The following DMD variants were observed in gnomAD, a reference collection of about 807,000 sequenced individuals.
DMD encodes dystrophin, also known as mutant dystrophin.
In DMD, 63 loss-of-function variants were observed where a neutral mutation model predicts 330.1. The observed-to-expected ratio is 0.19, with a 90% CI of 0.16 to 0.24. The LOEUF (loss-of-function observed/expected upper bound fraction) is 0.24. DMD is among the 10% of genes least tolerant of loss of function. DMD has a pLI of 1.00. For synonymous variants in DMD, 1,223 were observed against 959.8 expected (o/e 1.27, Z -5.07); for missense variants, 3,344 against 2,684.1 (o/e 1.25, Z -5.43).
intron 60 of DMD, among the ~76,000 whole-genome samples, chrX:31,382,360 C>T (rs1181313023): frequency 9.0e-6 from 1 of 111,126 alleles, no homozygotes; most frequent in East Asian, 2.8e-4. Context: ...AACTTGTCAT[C>T]CCTCCTATCT....
chrX:32,654,019 G>A (rs2060370241), intron 9 of DMD, among the ~76,000 whole-genome samples: 1 of 112,280 alleles, frequency 8.9e-6, no homozygotes, highest in Admixed American at 9.4e-5. Flanking sequence ...AGACTTTGCT[G>A]AAGTTGCTTA....
intron 17 of DMD, among the ~76,000 whole-genome samples, chrX:32,522,518 T>G (rs935852443): frequency 8.9e-6 from 1 of 112,192 alleles, no homozygotes; most frequent in African/African-American, 3.2e-5. Flanking sequence ...CTCTTCTAGC[T>G]ACTTTGAAAT....
At chrX:32,437,326 T>C (rs748028691) in intron 29 of DMD, among the ~76,000 whole-genome samples, 1 of 112,020 alleles carries the variant, frequency 8.9e-6, no homozygotes, top group East Asian at 2.8e-4. Context: ...CACATACTTC[T>C]CTTCAGAATT....
chrX:32,387,198 A>C (rs2097964542), intron 32 of DMD, among the ~76,000 whole-genome samples: 1 of 111,073 alleles, frequency 9.0e-6, no homozygotes, highest in Non-Finnish European at 1.9e-5. Context: ...AAAAAGCATC[A>C]TAAGACAAGT....
At position 31,451,099 on chromosome X, in the gene DMD, T is replaced by A. The variant is rs67020238; in HGVS notation, c.8938-6472A>T. On this transcript the variant is annotated intron_variant, in intron 59 of 78. Transcript: ENST00000357033. ...TCAGTTGTCAAGCACTTATATTTTG[T>A]TTTTTTTTTTTTTTCAGGAGACTTT... is the stretch of plus-strand genomic sequence containing the variant. Among the ~76,000 whole-genome samples the A allele has an allele frequency of 2.1e-3, 204 of 97,781 alleles. 1 individual carries two copies. Among genetic ancestry groups the A allele is most frequent in the Non-Finnish European group, 2.9e-3 (138 of 48,186 alleles). The allele number at this position is 97,781 out of a possible 115,157, so 84.9% of individuals were successfully genotyped here.
chrX:33,271,196 T>C (rs1421767078), intron 1 of DMD, among the ~76,000 whole-genome samples: 3 of 111,541 alleles, frequency 2.7e-5, no homozygotes. Context: ...GATTATTTTA[T>C]ATATTTCTTT....
chrX:32,393,142 A>G (rs1357708376), intron 30 of DMD, among the ~76,000 whole-genome samples: 3 of 112,113 alleles, frequency 2.7e-5, no homozygotes, highest in African/African-American at 9.7e-5. Context: ...GGATTCTATG[A>G]CACATTCCTG....
chrX:31,593,378 G>C lies in DMD; in HGVS notation c.8217+34295C>G, dbSNP rs753736914. On this transcript the variant is annotated intron_variant, in intron 55 of 78. Transcript: ENST00000357033. The stretch of plus-strand genomic sequence containing the variant: ...GCTGCACATTAGATTGAGCTGAGTA[G>C]TTTGTAAGAATTATGATGCCCAAGT... Among the ~76,000 whole-genome samples, 3 of 111,391 alleles carry C rather than the reference G, an allele frequency of 2.7e-5. No individual in the cohort carries two copies. The East Asian group carries it at 8.5e-4, about 32-fold the overall frequency.
chrX:31,519,096 AATATC>A (rs1322944501), intron 55 of DMD, among the ~76,000 whole-genome samples: 1 of 112,262 alleles, frequency 8.9e-6, no homozygotes, highest in Non-Finnish European at 1.9e-5. Context: ...ACTCAGAACT[AATATC>A]ATTGATGTTT....
At chrX:32,548,088 A>G (rs1478446069) in intron 16 of DMD, among the ~76,000 whole-genome samples, 1 of 111,677 alleles carries the variant, frequency 9.0e-6, no homozygotes, top group Non-Finnish European at 1.9e-5. Context: ...ACCATAGTCA[A>G]TCAAAGAATT....
chrX:31,503,241 C>T (rs747159407), intron 56 of DMD, among the ~76,000 whole-genome samples: 1 of 112,011 alleles, frequency 8.9e-6, no homozygotes, highest in Non-Finnish European at 1.9e-5. Context: ...AAAAATTAAA[C>T]AATTTTCCAG....
Position 32,068,495 on chromosome X carries a change from C to T in DMD, c.6439-99981G>A, listed in dbSNP as rs747761925. On this transcript the variant is annotated intron_variant, in intron 44 of 78. Transcript: ENST00000357033. ...TTCTAGGATTCTTATAGCTTGAAGTCTTACATTTAAATCTTTAATCCATTT... is the reference window on the plus strand; with the variant it reads ...TTCTAGGATTCTTATAGCTTGAAGTTTTACATTTAAATCTTTAATCCATTT... Among the ~76,000 whole-genome samples, 7 of 105,251 alleles carry T rather than the reference C, an allele frequency of 6.7e-5. No homozygotes were observed. In the East Asian group the frequency reaches 2.2e-3, roughly 33 times the overall value. 91.4% of individuals were successfully genotyped at this position (105,251 alleles called of 115,157 possible). A position where few individuals can be genotyped will look rare whatever the true frequency, so the allele number is the denominator to read the frequency against.
At chrX:31,490,483 G>A in intron 57 of DMD, among the ~76,000 whole-genome samples, 1 of 111,660 alleles carries the variant, frequency 9.0e-6, no homozygotes, top group Non-Finnish European at 1.9e-5. Context: ...GTGAACCCAG[G>A]AGGTGGAGCT....
At chrX:31,880,469 CA>C (rs2094043514) in intron 47 of DMD, among the ~76,000 whole-genome samples, 2 of 111,437 alleles carry the variant, frequency 1.8e-5, no homozygotes, top group Non-Finnish European at 3.8e-5. Context: ...AAGAAATTGA[CA>C]AAAATGTAAA....
chrX:31,320,619 C>T (rs1268438474), intron 62 of DMD, among the ~76,000 whole-genome samples: 1 of 112,111 alleles, frequency 8.9e-6, no homozygotes, highest in Non-Finnish European at 1.9e-5. Flanking sequence ...GAACCTTGTA[C>T]ATCAAATTAA....
intron 67 of DMD, among the ~76,000 whole-genome samples, chrX:31,183,462 A>G (rs1196935472): frequency 9.0e-6 from 1 of 111,204 alleles, no homozygotes; most frequent in African/African-American, 3.3e-5. Flanking sequence ...AGCTGATAAT[A>G]GAATCCAAAC....
chrX:33,287,305 G>A (rs1018098112), intron 1 of DMD, among the ~76,000 whole-genome samples: 1 of 110,128 alleles, frequency 9.1e-6, no homozygotes, highest in African/African-American at 3.3e-5. Flanking sequence ...GGGGGAGGCC[G>A]TCCTTTGCAT....
intron 74 of DMD, among the ~76,000 whole-genome samples, chrX:31,156,243 C>G (rs2038102818): frequency 9.0e-6 from 1 of 111,604 alleles, no homozygotes; most frequent in South Asian, 3.8e-4. Context: ...AGCCTTACTT[C>G]CAAGCCCTTT....
rs960189341 is a variant in DMD, at chrX:32,759,858, G to T, written c.649+49635C>A. On this transcript the variant is annotated intron_variant, in intron 7 of 78. Coordinates refer to ENST00000357033, the MANE Select transcript of DMD (RefSeq NM_004006.3). ...AGGTTTTTCTTGGGGGGGGGGGGGG[G>T]GCGGGGGAAGACCCAGGCAGGCCCA... Among the ~76,000 whole-genome samples, 7 of 21,163 alleles carry T rather than the reference G, an allele frequency of 3.3e-4. 1 individual carries two copies. The highest frequency in any genetic ancestry group is 2.2e-3 in the East Asian group (1 of 464). 18.4% of individuals were successfully genotyped at this position (21,163 alleles called of 115,157 possible). A position where few individuals can be genotyped will look rare whatever the true frequency, so the allele number is the denominator to read the frequency against.
Sources: gnomAD v4.1 joint callset for allele counts (sites outside exome capture counted in the v4.1 genomes callset) on GRCh38, gnomAD v4.1.1 for gene constraint, MANE v1.5 for transcripts, NCBI Gene and HGNC (gene_info 2026-07-23, HGNC 2026-07-21) for gene names.